ATP6V0A2: variants seen among roughly 807,000 people sequenced by gnomAD.
ATP6V0A2 encodes V-type proton ATPase 116 kDa subunit a 2.
ATP6V0A2 carries 58 observed loss-of-function variants against 104.4 expected under a neutral mutation model. The ratio of observed to expected loss-of-function variants is 0.56; its 90% CI spans 0.45 to 0.69. The LOEUF (loss-of-function observed/expected upper bound fraction) is 0.69. Ranked by LOEUF, ATP6V0A2 falls within the 30% of genes least tolerant of loss-of-function variation. The pLI, the probability that ATP6V0A2 is intolerant of heterozygous loss-of-function variation, is 0.00. For synonymous variants in ATP6V0A2, 376 were observed against 397.9 expected, an observed-to-expected ratio of 0.95 and a Z score of 0.65; for missense variants, 938 against 1,062.9, an observed-to-expected ratio of 0.88 and a Z score of 1.63.
chr12:123,753,802 C>T (rs1014147700), intron 17 of ATP6V0A2, among the ~76,000 whole-genome samples: 16 of 152,234 alleles, frequency 1.1e-4, no homozygotes, highest in Admixed American at 5.9e-4. Flanking sequence ...GAGGACCAAA[C>T]AAAATGTCTT....
At chr12:123,745,167 G>A (rs1956649273) in intron 13 of ATP6V0A2, among the ~76,000 whole-genome samples, 195 bp downstream of exon 13, 1 of 152,218 alleles carries the variant, frequency 6.6e-6, no homozygotes, top group Admixed American at 6.5e-5. Context: ...GTTTGGGAAG[G>A]TGAGGTCAGA....
At chr12:123,743,957 T>C (rs558058762) in intron 10 of ATP6V0A2, 22 bp downstream of exon 10, 2 of 1,613,950 alleles carry the variant, frequency 1.2e-6, no homozygotes, top group African/African-American at 2.7e-5. Context: ...GATTTGTAAA[T>C]ACCCGTATTT....
chr12:123,729,744 G>T (rs988911680), intron 6 of ATP6V0A2, among the ~76,000 whole-genome samples: 2 of 152,094 alleles, frequency 1.3e-5, no homozygotes, highest in Non-Finnish European at 2.9e-5. Context: ...AGGAATTTTG[G>T]CTGTAAGATT....
chr12:123,734,056 A>G, intron 7 of ATP6V0A2, 48 bp downstream of exon 7: 1 of 1,479,918 alleles, frequency 6.8e-7, no homozygotes, highest in Non-Finnish European at 9.4e-7. Flanking sequence ...ATATTCAGTC[A>G]CCTCTAGTTT....
chr12:123,734,896 C>T (rs1361768433), intron 7 of ATP6V0A2, among the ~76,000 whole-genome samples: 2 of 152,092 alleles, frequency 1.3e-5, no homozygotes, highest in Non-Finnish European at 2.9e-5. Flanking sequence ...CTCAGCAAAC[C>T]CATGATTTCA....
chr12:123,717,451 T>C (rs1455567226), intron 1 of ATP6V0A2, among the ~76,000 whole-genome samples: 12 of 150,712 alleles, frequency 8.0e-5, no homozygotes, highest in African/African-American at 2.4e-4. Flanking sequence ...TCTTTCTTTT[T>C]TTTTTTTTTT....
Position 123,759,489 on chromosome 12 carries a change from G to A in ATP6V0A2, c.*1457G>A, listed in dbSNP as rs1956790997. On this transcript the variant is annotated 3_prime_UTR_variant, in exon 20 of 20. Coordinates refer to ENST00000330342, the MANE Select transcript of ATP6V0A2 (RefSeq NM_012463.4). ...TTTGTGAACTTGAGTCAGTCCTATT[G>A]AACATTTTGACCTATATTCTTGCAA... The A allele has an allele frequency of 6.6e-6, 1 of 152,132 alleles. No homozygotes were observed. Among genetic ancestry groups the A allele is most frequent in the Admixed American group, 6.5e-5 (1 of 15,278 alleles). 9.4% of individuals were successfully genotyped at this position (152,132 alleles called of 1,614,324 possible). A position where few individuals can be genotyped will look rare whatever the true frequency, so the allele number is the denominator to read the frequency against.
intron 9 of ATP6V0A2, chr12:123,739,040 A>G (rs1002192675): frequency 1.3e-5 from 2 of 152,282 alleles, no homozygotes; most frequent in Non-Finnish European, 2.9e-5. Flanking sequence ...GGACATGACT[A>G]GTACTCCTGT....
intron 1 of ATP6V0A2, among the ~76,000 whole-genome samples, chr12:123,716,806 G>T (rs1956344958): frequency 6.7e-6 from 1 of 149,922 alleles, no homozygotes; most frequent in African/African-American, 2.5e-5. Context: ...AAAAAAAAGA[G>T]TTTATAGAGT....
chr12:123,717,153 A>G (rs1409860956), intron 1 of ATP6V0A2, among the ~76,000 whole-genome samples: 2 of 150,166 alleles, frequency 1.3e-5, no homozygotes, highest in African/African-American at 4.9e-5. Flanking sequence ...CATCTCTACT[A>G]AAAATACAAA....
chr12:123,726,654 A>G (rs949084858), intron 5 of ATP6V0A2, among the ~76,000 whole-genome samples: 1 of 152,142 alleles, frequency 6.6e-6, no homozygotes, highest in Non-Finnish European at 1.5e-5. Context: ...TATTTTAAAG[A>G]TCTCCTGCTG....
At chr12:123,729,125 C>T (rs1035006748) in intron 6 of ATP6V0A2, among the ~76,000 whole-genome samples, 1 of 152,038 alleles carries the variant, frequency 6.6e-6, no homozygotes, top group African/African-American at 2.4e-5. Flanking sequence ...TTGATGGGTT[C>T]CTGTTCCTTT....
chr12:123,729,952 C>T (rs1440864916), intron 6 of ATP6V0A2, among the ~76,000 whole-genome samples: 1 of 149,856 alleles, frequency 6.7e-6, no homozygotes, highest in Non-Finnish European at 1.5e-5. Flanking sequence ...GTAGCTGGGA[C>T]TATATAGGCG....
intron 9 of ATP6V0A2, among the ~76,000 whole-genome samples, chr12:123,741,553 G>A (rs1956609227): frequency 6.6e-6 from 1 of 152,104 alleles, no homozygotes; most frequent in Admixed American, 6.5e-5. Context: ...CTCCCGTCTC[G>A]TCTCAGCCTC....
intron 4 of ATP6V0A2, 41 bp from the exon 5 acceptor site, chr12:123,726,156 C>T (rs756843530): frequency 1.4e-6 from 2 of 1,476,356 alleles, no homozygotes; most frequent in Non-Finnish European, 1.9e-6. Flanking sequence ...TAAAGTGTCA[C>T]TTTTAATGAG....
intron 1 of ATP6V0A2, among the ~76,000 whole-genome samples, chr12:123,712,977 A>G (rs971579114): frequency 3.3e-5 from 5 of 152,164 alleles, no homozygotes; most frequent in African/African-American, 1.2e-4. Context: ...CAAATCCCAC[A>G]AAGGCCTCTT....
intron 15 of ATP6V0A2, 34 bp downstream of exon 15, chr12:123,748,819 G>A (rs1229345519): frequency 4.5e-6 from 7 of 1,569,274 alleles, no homozygotes; most frequent in Non-Finnish European, 6.1e-6. Flanking sequence ...GAACTTAACG[G>A]AAGTATTCCC....
Position 123,744,547 on chromosome 12 carries a change from C to T in ATP6V0A2, c.1327-50C>T. ...GTCGTGCCCACACCGACAGCTGTCA[C>T]ATGGACACCCTCCAGTAACCATATT... On this transcript the variant is annotated intron_variant, in intron 11 of 19. Coordinates refer to ENST00000330342, the MANE Select transcript of ATP6V0A2 (RefSeq NM_012463.4). This position sits in a 1 kb window ranked among gnomAD's most constrained non-coding sequence, Gnocchi z 5.4. 1 of 1,608,554 alleles carries T rather than the reference C, an allele frequency of 6.2e-7. No individual in the cohort carries two copies.
At chr12:123,737,406 A>T (rs899060602) in intron 9 of ATP6V0A2, 135 bp downstream of exon 9, 72 of 900,616 alleles carry the variant, frequency 8.0e-5, no homozygotes, top group Non-Finnish European at 9.1e-5. Context: ...TTGTTTTTTT[A>T]AAATATTAAT....
Sources: allele counts gnomAD v4.1 joint callset (sites outside exome capture counted in the v4.1 genomes callset), GRCh38; gene constraint gnomAD v4.1.1; non-coding constraint Gnocchi (gnomAD v3.1); transcripts MANE v1.5; gene names NCBI Gene and HGNC (gene_info 2026-07-23, HGNC 2026-07-21).